UBE2E1: variants seen among roughly 807,000 people sequenced by gnomAD.
UBE2E1 encodes the protein ubiquitin-conjugating enzyme E2 E1.
UBE2E1 carries 6 observed loss-of-function variants against 21.4 expected under a neutral mutation model. The ratio of observed to expected loss-of-function variants is 0.28; its 90% CI spans 0.15 to 0.55. The LOEUF (loss-of-function observed/expected upper bound fraction) is 0.55, where lower values mean the gene tolerates loss of function less well. Ranked by LOEUF, UBE2E1 falls within the 20% of genes least tolerant of loss-of-function variation. UBE2E1 has a pLI of 0.93. For synonymous variants in UBE2E1, 87 were observed against 82.7 expected (o/e 1.05, Z -0.28); for missense variants, 142 against 236.5 (o/e 0.60, Z 2.62).
At chr3:23,867,295 G>T (rs9882067) in intron 3 of UBE2E1, among the ~76,000 whole-genome samples, 26,453 of 152,038 alleles carry the variant, frequency 0.17, 3,167 homozygotes, top group African/African-American at 0.34. Flanking sequence ...GTACTTTTCT[G>T]TCTTTGATTT....
At chr3:23,820,412 C>A (rs1201579676) in intron 3 of UBE2E1, among the ~76,000 whole-genome samples, 2 of 152,154 alleles carry the variant, frequency 1.3e-5, no homozygotes, top group Non-Finnish European at 2.9e-5. Flanking sequence ...GAGTCCATGC[C>A]ACATTACATA....
intron 3 of UBE2E1, among the ~76,000 whole-genome samples, chr3:23,819,454 G>A (rs1285489866): frequency 6.6e-6 from 1 of 152,108 alleles, no homozygotes; most frequent in Admixed American, 6.6e-5. Flanking sequence ...AGCATTTTTG[G>A]TGCTTGAGTA....
rs1048362129 is a variant in UBE2E1, at chr3:23,836,147, C to A, written c.203+24637C>A. Among the ~76,000 whole-genome samples, 4 of 152,072 alleles carry A rather than the reference C, an allele frequency of 2.6e-5. No homozygotes were observed. Among genetic ancestry groups the A allele is most frequent in the Non-Finnish European group, 4.4e-5 (3 of 67,992 alleles). ...ATATAGATGAAATACATTGAAACAG[C>A]AAGAAGTTAAAGCATTTTAAAAAGC... On this transcript the variant is annotated intron_variant, in intron 3 of 5. Coordinates refer to ENST00000306627, the MANE Select transcript of UBE2E1 (RefSeq NM_003341.5). The surrounding 1 kb of genome is among the most constrained non-coding windows in gnomAD (Gnocchi z 4.1).
Position 23,891,368 on chromosome 3 carries a change from C to A in UBE2E1, c.*762C>A, listed in dbSNP as rs1021971278. On this transcript the variant is annotated 3_prime_UTR_variant, in exon 6 of 6. Coordinates refer to ENST00000306627, the MANE Select transcript of UBE2E1 (RefSeq NM_003341.5). ...GCCTTTTGGTTGCCATTCGCAGATT[C>A]TTCTGAAATCGATAGGTATCTGCTT... 2 of 152,156 alleles carry A rather than the reference C, an allele frequency of 1.3e-5. No homozygotes were observed. Among genetic ancestry groups the A allele is most frequent in the African/African-American group, 4.8e-5 (2 of 41,424 alleles). 9.4% of individuals were successfully genotyped at this position (152,156 alleles called of 1,614,324 possible). A position where few individuals can be genotyped will look rare whatever the true frequency, so the allele number is the denominator to read the frequency against.
intron 3 of UBE2E1, among the ~76,000 whole-genome samples, chr3:23,871,933 C>T (rs1311421903): frequency 3.3e-5 from 5 of 151,856 alleles, no homozygotes; most frequent in East Asian, 3.9e-4. Flanking sequence ...AGACGATGGG[C>T]GGCCAGGCAG....
In UBE2E1 at chr3:23,875,337, A is replaced by G. The variant is rs984472021; in HGVS notation, c.204-12230A>G. Among the ~76,000 whole-genome samples the G allele has an allele frequency of 2.0e-5, 3 of 152,208 alleles. No homozygotes were observed. In the South Asian group the frequency reaches 6.2e-4, roughly 31 times the overall value. ...AAATATTGGTAACTGTTAGTGTGCC[A>G]AGTCCTGTAGTATGTGTGGGAAATT... On this transcript the variant is annotated intron_variant, in intron 3 of 5. Transcript: ENST00000306627.
At chr3:23,814,101 T>A (rs981010767) in intron 3 of UBE2E1, among the ~76,000 whole-genome samples, 2 of 152,016 alleles carry the variant, frequency 1.3e-5, no homozygotes, top group Admixed American at 6.6e-5. Flanking sequence ...ATACAAAAAT[T>A]AGCCGGGCAT....
At chr3:23,829,041 C>A (rs1699811856) in intron 3 of UBE2E1, among the ~76,000 whole-genome samples, 1 of 151,608 alleles carries the variant, frequency 6.6e-6, no homozygotes. Flanking sequence ...AGGGGGGTGG[C>A]AGTTGCAGAA....
chr3:23,854,648 T>C (rs548925341), intron 3 of UBE2E1, among the ~76,000 whole-genome samples: 1 of 152,360 alleles, frequency 6.6e-6, no homozygotes, highest in South Asian at 2.1e-4. Flanking sequence ...ATTTTTAATA[T>C]GTAGGAGTTA....
At chr3:23,840,183 C>T (rs1045696711) in intron 3 of UBE2E1, among the ~76,000 whole-genome samples, 8 of 152,122 alleles carry the variant, frequency 5.3e-5, no homozygotes, top group Non-Finnish European at 4.4e-5. Context: ...TTACCATGGT[C>T]AGGTATTTAT....
intron 3 of UBE2E1, among the ~76,000 whole-genome samples, chr3:23,835,721 C>T (rs552346733): frequency 6.6e-6 from 1 of 152,196 alleles, no homozygotes; most frequent in East Asian, 1.9e-4. Flanking sequence ...TAGAAACTCC[C>T]CTCCTCCCCC....
At chr3:23,869,837 C>T (rs1222341522) in intron 3 of UBE2E1, among the ~76,000 whole-genome samples, 1 of 151,884 alleles carries the variant, frequency 6.6e-6, no homozygotes, top group Non-Finnish European at 1.5e-5. Context: ...TCAGAATGAT[C>T]CCGCCCAAAT....
rs1700766159 is a variant in UBE2E1 at position 23,870,746 on chromosome 3, A to G, written c.204-16821A>G. Reference sequence around the variant, plus strand: ...GCAGAGGGGTATTTGGCAGGGTCATAGGACAATAGTGGAGGGAAGGTCAGC... The same window carrying G: ...GCAGAGGGGTATTTGGCAGGGTCATGGGACAATAGTGGAGGGAAGGTCAGC... On this transcript the variant is annotated intron_variant, in intron 3 of 5. Coordinates refer to ENST00000306627, the MANE Select transcript of UBE2E1 (RefSeq NM_003341.5). The surrounding 1 kb of genome is among the most constrained non-coding windows in gnomAD (Gnocchi z 4.2). Among the ~76,000 whole-genome samples the G allele has an allele frequency of 6.6e-6, 1 of 152,092 alleles. No homozygotes were observed. Among genetic ancestry groups the G allele is most frequent in the African/African-American group, 2.4e-5 (1 of 41,392 alleles).
rs568077248 is a variant in UBE2E1, at chr3:23,842,764, G to A, written c.203+31254G>A. ...ACATAAGTTTTTATACTTTTTGAGG[G>A]AATAAAGATTTCTAATTGTACAACA... On this transcript the variant is annotated intron_variant, in intron 3 of 5. Coordinates refer to ENST00000306627, the MANE Select transcript of UBE2E1 (RefSeq NM_003341.5). This position sits in a 1 kb window ranked among gnomAD's most constrained non-coding sequence, Gnocchi z 4.6. Among the ~76,000 whole-genome samples, 19 of 152,132 alleles carry A rather than the reference G, an allele frequency of 1.2e-4. No homozygotes were observed. In the South Asian group the frequency reaches 3.9e-3, roughly 32 times the overall value.
intron 3 of UBE2E1, among the ~76,000 whole-genome samples, chr3:23,833,039 G>C (rs1250244456): frequency 6.6e-6 from 1 of 152,014 alleles, no homozygotes; most frequent in African/African-American, 2.4e-5. Flanking sequence ...GTCTCAAAAA[G>C]TGGGAGAAAA....
chr3:23,889,425 A>G, intron 5 of UBE2E1, 166 bp downstream of exon 5: 1 of 1,466,856 alleles, frequency 6.8e-7, no homozygotes, highest in South Asian at 1.4e-5. Context: ...CTACTAGTTG[A>G]GACACACAAC....
chr3:23,860,742 A>G (rs1700537280), intron 3 of UBE2E1, among the ~76,000 whole-genome samples: 1 of 152,236 alleles, frequency 6.6e-6, no homozygotes, highest in Admixed American at 6.5e-5. Flanking sequence ...TTTTTAAAGA[A>G]TATGAAGCCT....
chr3:23,823,496 T>C lies in UBE2E1; in HGVS notation c.203+11986T>C, dbSNP rs1699688242. ...CTCCACAAGTAATTTAAATTGTTCC[T>C]ACTACCACTTACAACCTTTCCTCCT... On this transcript the variant is annotated intron_variant, in intron 3 of 5. Coordinates refer to ENST00000306627, the MANE Select transcript of UBE2E1 (RefSeq NM_003341.5). The surrounding 1 kb of genome is among the most constrained non-coding windows in gnomAD (Gnocchi z 4.2). Among the ~76,000 whole-genome samples the C allele has an allele frequency of 6.6e-6, 1 of 152,232 alleles. No homozygotes were observed. Among genetic ancestry groups the C allele is most frequent in the Admixed American group, 6.5e-5 (1 of 15,292 alleles).
chr3:23,843,089 T>C (rs903901322), intron 3 of UBE2E1, among the ~76,000 whole-genome samples: 1 of 151,522 alleles, frequency 6.6e-6, no homozygotes, highest in Non-Finnish European at 1.5e-5. Flanking sequence ...TTTTTTTTTT[T>C]AGCAGGAGCA....
Sources: gnomAD v4.1 joint callset for allele counts (sites outside exome capture counted in the v4.1 genomes callset) on GRCh38, gnomAD v4.1.1 for gene constraint, Gnocchi (gnomAD v3.1) non-coding constraint, MANE v1.5 for transcripts, NCBI Gene and HGNC (gene_info 2026-07-23, HGNC 2026-07-21) for gene names.